Variants in MAPK10 observed in about 807,000 individuals in gnomAD.
MAPK10 encodes mitogen-activated protein kinase 10.
A neutral mutation model predicts 59.3 loss-of-function variants in MAPK10; 25 were observed. That is an observed-to-expected ratio of 0.42 (90% CI 0.31 to 0.59). MAPK10 has a LOEUF of 0.59. Among genes scored for constraint, MAPK10 ranks in the 20% least tolerant of loss-of-function variants. MAPK10 has a pLI of 0.15. For missense variants in MAPK10, 351 were observed against 568.9 expected (o/e 0.62, Z 3.90); for synonymous variants, 190 against 200.5 (o/e 0.95, Z 0.44).
At chr4:86,372,563 A>AG (rs1491435348) in intron 1 of MAPK10, among the ~76,000 whole-genome samples, 2 of 8,734 alleles carry the variant, frequency 2.3e-4, no homozygotes, top group East Asian at 2.8e-3. Context: ...AAAGAAAGAA[A>AG]GAAAGAAAAG....
At chr4:86,376,017 TATCTC>T (rs1278032177) in intron 1 of MAPK10, among the ~76,000 whole-genome samples, 1 of 152,202 alleles carries the variant, frequency 6.6e-6, no homozygotes, top group Non-Finnish European at 1.5e-5. Flanking sequence ...TTCTGGGTAT[TATCTC>T]ATTCTACCAT....
chr4:86,281,869 T>C (rs1011459942), intron 2 of MAPK10, among the ~76,000 whole-genome samples: 2 of 152,142 alleles, frequency 1.3e-5, no homozygotes, highest in South Asian at 2.1e-4. Flanking sequence ...AAATGGCTCA[T>C]AGTTTGGGTT....
At chr4:86,137,955 G>A (rs1451066762) in intron 4 of MAPK10, among the ~76,000 whole-genome samples, 7 of 129,166 alleles carry the variant, frequency 5.4e-5, no homozygotes, top group Non-Finnish European at 6.6e-5. Flanking sequence ...TAAATTCCTC[G>A]ACACATACAC....
chr4:86,440,267 G>A (rs1749253669), intron 1 of MAPK10, among the ~76,000 whole-genome samples: 2 of 152,056 alleles, frequency 1.3e-5, no homozygotes, highest in African/African-American at 4.8e-5. Context: ...ACTAATTAAG[G>A]AACATAGAGC....
At chr4:86,575,060 T>C (rs1433945751) in intron 1 of MAPK10, among the ~76,000 whole-genome samples, 1 of 152,166 alleles carries the variant, frequency 6.6e-6, no homozygotes, top group African/African-American at 2.4e-5. Context: ...GTGGGCATCA[T>C]CCAATCTGTT....
intron 1 of MAPK10, among the ~76,000 whole-genome samples, chr4:86,401,537 C>T (rs1452916955): frequency 6.6e-6 from 1 of 152,136 alleles, no homozygotes; most frequent in Non-Finnish European, 1.5e-5. Context: ...GTCAGAAAAG[C>T]TTTACTTCCC....
chr4:86,580,765 A>G (rs1762205748), intron 1 of MAPK10, among the ~76,000 whole-genome samples: 1 of 152,214 alleles, frequency 6.6e-6, no homozygotes, highest in Non-Finnish European at 1.5e-5. Context: ...ACTCCATGCA[A>G]CATGGATAAC....
intron 1 of MAPK10, among the ~76,000 whole-genome samples, chr4:86,375,892 T>G (rs1739733431): frequency 6.6e-6 from 1 of 152,126 alleles, no homozygotes; most frequent in Non-Finnish European, 1.5e-5. Context: ...GTTATTCTAA[T>G]GAAGTGGATA....
chr4:86,074,800 G>A (rs1160819946), intron 9 of MAPK10, among the ~76,000 whole-genome samples: 1 of 122,594 alleles, frequency 8.2e-6, no homozygotes, highest in Non-Finnish European at 1.8e-5. Flanking sequence ...AGGGTAACCC[G>A]ACCTTTCTCT....
intron 4 of MAPK10, chr4:86,107,657 T>C: frequency 2.0e-6 from 2 of 1,010,366 alleles, no homozygotes; most frequent in Non-Finnish European, 2.4e-6. Flanking sequence ...TATAATTGCC[T>C]CAGTGAGTGG....
intron 11 of MAPK10, among the ~76,000 whole-genome samples, chr4:86,049,695 A>G (rs1302939128): frequency 6.6e-6 from 1 of 152,060 alleles, no homozygotes. Flanking sequence ...AGGACATTTC[A>G]TGGGTAAAGA....
At chr4:86,169,868 G>A (rs934835728) in intron 3 of MAPK10, among the ~76,000 whole-genome samples, 44 of 152,112 alleles carry the variant, frequency 2.9e-4, no homozygotes, top group Admixed American at 8.5e-4. Context: ...CGGATCTCTC[G>A]GCAGAAACCC....
chr4:86,209,341 A>C (rs1367507902), intron 2 of MAPK10, among the ~76,000 whole-genome samples: 1 of 152,122 alleles, frequency 6.6e-6, no homozygotes, highest in Non-Finnish European at 1.5e-5. Flanking sequence ...AATGAATAAA[A>C]GGTGAAGTAG....
chr4:86,514,608 T>C lies in MAPK10; in HGVS notation c.-263+79302A>G, dbSNP rs139390863. Among the ~76,000 whole-genome samples the C allele has an allele frequency of 8.5e-5, 13 of 152,360 alleles. No homozygotes were observed. In the East Asian group the frequency reaches 2.3e-3, roughly 27 times the overall value. ...TTACAAGAAGTAACAATCAATTTTC[T>C]ATGTGTACATTTACATGTATATTAC... On this transcript the variant is annotated intron_variant, in intron 1 of 4. Transcript: ENST00000502302.
intron 1 of MAPK10, among the ~76,000 whole-genome samples, chr4:86,402,971 A>G (rs1478739896): frequency 6.6e-6 from 1 of 152,108 alleles, no homozygotes; most frequent in Non-Finnish European, 1.5e-5. Context: ...TTGCAATCAC[A>G]TTGTCATGGC....
chr4:86,122,620 A>C (rs1194761106), intron 4 of MAPK10, among the ~76,000 whole-genome samples: 1 of 152,146 alleles, frequency 6.6e-6, no homozygotes, highest in Non-Finnish European at 1.5e-5. Flanking sequence ...CATTGAGTGG[A>C]AAGTTTGCTC....
intron 1 of MAPK10, among the ~76,000 whole-genome samples, chr4:86,404,901 T>C (rs911065595): frequency 2.0e-5 from 3 of 152,154 alleles, no homozygotes; most frequent in Non-Finnish European, 2.9e-5. Context: ...CATAATATAA[T>C]AATTATATAA....
chr4:86,403,623 G>A (rs955556071), intron 1 of MAPK10, among the ~76,000 whole-genome samples: 2 of 152,298 alleles, frequency 1.3e-5, no homozygotes, highest in East Asian at 3.9e-4. Context: ...GAAGCCTCAG[G>A]AAACTTACAA....
chr4:86,311,872 ACT>A (rs1476485801), intron 2 of MAPK10, among the ~76,000 whole-genome samples: 19 of 152,030 alleles, frequency 1.2e-4, no homozygotes, highest in Non-Finnish European at 2.6e-4. Flanking sequence ...CCTCGATCAG[ACT>A]CTATCTCTCG....
Sources: gnomAD v4.1 joint callset for allele counts (sites outside exome capture counted in the v4.1 genomes callset) on GRCh38, gnomAD v4.1.1 for gene constraint, MANE v1.5 for transcripts, NCBI Gene and HGNC (gene_info 2026-07-23, HGNC 2026-07-21) for gene names.